Variants in USO1 observed in about 807,000 individuals in gnomAD.
The protein encoded by USO1 is USO1 vesicle transport factor.
USO1 carries 57 observed loss-of-function variants against 124.5 expected under a neutral mutation model. The ratio of observed to expected loss-of-function variants is 0.46; its 90% CI spans 0.37 to 0.57. USO1 has a LOEUF of 0.57. Among genes scored for constraint, USO1 ranks in the 20% least tolerant of loss-of-function variants. The probability of loss-of-function intolerance (pLI) is 0.00; values close to 1 mark genes in which losing one functional copy is unlikely to be tolerated. For missense variants in USO1, 900 were observed against 1,040.6 expected, an observed-to-expected ratio of 0.86 and a Z score of 1.86; for synonymous variants, 369 against 362.8, an observed-to-expected ratio of 1.02 and a Z score of -0.19.
intron 21 of USO1, among the ~76,000 whole-genome samples, chr4:75,809,709 A>T (rs1202049249): frequency 6.6e-6 from 1 of 152,152 alleles, no homozygotes. Context: ...TTTAACATTC[A>T]TATTTCTGCC....
intron 23 of USO1, among the ~76,000 whole-genome samples, chr4:75,812,736 T>C (rs1294544721): frequency 1.3e-5 from 2 of 152,192 alleles, no homozygotes; most frequent in Admixed American, 6.5e-5. Context: ...AACTGATATA[T>C]CTCATTCATA....
At position 75,770,508 on chromosome 4, in the gene USO1, A is replaced by T; in HGVS notation, c.365A>T (p.Glu122Val). Residue 122 changes from glutamate (E) to valine (V), a missense_variant, in exon 5 of 24, where the codon GAA becomes GTA. Transcript: ENST00000514213. Reference protein sequence around the residue: ...QFTEIFIKQQENVTLLLSLLE... With the variant: ...QFTEIFIKQQVNVTLLLSLLE... ...ACAGAAATTTTCATTAAGCAGCAGG[A>T]AAATGTCACTCTTCTGTTATCTTTA... is the stretch of plus-strand genomic sequence containing the variant. 6.3e-7 allele frequency: 1 copy of T among 1,594,546 alleles called. No homozygotes were observed. The highest frequency in any genetic ancestry group is 2.3e-5 in the East Asian group (1 of 44,146).
rs756932643 is a variant in USO1, at chr4:75,793,721, A to G, written c.1272A>G (p.Leu424=). 1.2e-6 allele frequency: 2 copies of G among 1,611,970 alleles called. No homozygotes were observed. The highest frequency in any genetic ancestry group is 1.1e-5 in the South Asian group (1 of 90,848). The change falls in exon 13 of 24, where the codon TTA becomes TTG. Residue 424 remains leucine (L), a synonymous_variant. Coordinates refer to ENST00000514213, the MANE Select transcript of USO1 (RefSeq NM_003715.4). ...ATGNSVSAGQ[L]LCGGLFSTDS... is the part of the protein sequence containing the mutation. ...GTAATTCAGTTTCAGCTGGCCAGTT[A>G]TTATGTGGAGGTTTGTTTTCTACTG...
At chr4:75,773,576 G>A (rs1404044665) in intron 7 of USO1, among the ~76,000 whole-genome samples, 2 of 152,106 alleles carry the variant, frequency 1.3e-5, no homozygotes, top group Non-Finnish European at 2.9e-5. Context: ...GGGGAACAGT[G>A]TTTGGGCAAC....
rs1423341301 is a variant in USO1, at chr4:75,800,807, T to G, written c.1864+8T>G. 1.2e-6 allele frequency: 2 copies of G among 1,610,164 alleles called. No individual in the cohort carries two copies. The highest frequency in any genetic ancestry group is 1.7e-6 in the Non-Finnish European group (2 of 1,178,004). ...TGGTAAAAGAACTTGAAGGTAAGAC[T>G]GAAGATTTATATTGATATTTGATGG... On this transcript the variant is annotated splice_region_variant and intron_variant, in intron 16 of 23. Coordinates refer to ENST00000514213, the MANE Select transcript of USO1 (RefSeq NM_003715.4).
At chr4:75,801,560 GAT>G (rs1463386786) in intron 17 of USO1, among the ~76,000 whole-genome samples, 1 of 151,850 alleles carries the variant, frequency 6.6e-6, no homozygotes, top group Non-Finnish European at 1.5e-5. Flanking sequence ...AATTTCTTAT[GAT>G]ATTTACCTTG....
At chr4:75,748,944 TA>T (rs36089746) in intron 1 of USO1, among the ~76,000 whole-genome samples, 3 of 151,222 alleles carry the variant, frequency 2.0e-5, no homozygotes, top group Non-Finnish European at 4.4e-5. Context: ...TTCTAAGTAG[TA>T]AAAAAAATAT....
rs1723064323 is a variant in USO1 at position 75,808,829 on chromosome 4, T to C, written c.2377-124T>C. 18 of 1,145,276 alleles carry C rather than the reference T, an allele frequency of 1.6e-5. No homozygotes were observed. In the South Asian group the frequency reaches 2.6e-4, roughly 17 times the overall value. The allele number at this position is 1,145,276 out of a possible 1,614,324, so 70.9% of individuals were successfully genotyped here. A position where few individuals can be genotyped will look rare whatever the true frequency, so the allele number is the denominator to read the frequency against. On this transcript the variant is annotated intron_variant, in intron 20 of 23. Transcript: ENST00000514213. Reference sequence around the variant, plus strand: ...CTTGAACCCAAAATTCAAGAATAGTTCTTTAGAGTTAGATTTTAAAAGTAG... The same window carrying C: ...CTTGAACCCAAAATTCAAGAATAGTCCTTTAGAGTTAGATTTTAAAAGTAG...
rs556453385 is a variant in USO1, at chr4:75,788,095, A to G, written c.996+893A>G. 2.6e-5 allele frequency among the ~76,000 whole-genome samples: 4 copies of G among 151,700 alleles called. No homozygotes were observed. The East Asian group carries it at 7.7e-4, about 29-fold the overall frequency. ...TGGGAATTTTTTTTGCCATCTTCCT[A>G]GGATTTCCTTTACTTGTCTCCTGAC... On this transcript the variant is annotated intron_variant, in intron 10 of 23. Transcript: ENST00000514213.
At chr4:75,750,725 C>T (rs1721277397) in intron 1 of USO1, among the ~76,000 whole-genome samples, 1 of 74,678 alleles carries the variant, frequency 1.3e-5, no homozygotes, top group African/African-American at 3.2e-5. Flanking sequence ...CTTTGTGATC[C>T]ACCCACCTCG....
At chr4:75,725,156 G>T (rs1298744250) in intron 1 of USO1, among the ~76,000 whole-genome samples, 1 of 152,226 alleles carries the variant, frequency 6.6e-6, no homozygotes, top group Non-Finnish European at 1.5e-5. Flanking sequence ...AGAGTGGTCC[G>T]CAGGTGGTAC....
rs746260223 is a variant in USO1 at position 75,787,115 on chromosome 4, C to G, written c.909C>G (p.Cys303Trp). ...PTNPPGATSS[C>W]QKAMFQCGLL... is the part of the protein sequence containing the mutation. ...ACCCTCCTGGTGCTACCAGTAGCTG[C>G]CAGAAGGCTATGTTCCAGTGTGGGT... Residue 303 changes from cysteine (C) to tryptophan (W), a missense_variant, in exon 10 of 24, where the codon TGC (cysteine) becomes TGG (tryptophan). Cys to Trp is a radical substitution (Grantham distance 215). This residue lies in a region of USO1 where 538 missense variants were observed against 681.6 expected (regional missense o/e 0.79). Transcript: ENST00000514213. The G allele has an allele frequency of 2.5e-6, 4 of 1,607,658 alleles. No homozygotes were observed. In the Admixed American group the frequency reaches 5.1e-5, roughly 20 times the overall value.
chr4:75,726,933 A>G (rs115299851), intron 1 of USO1, among the ~76,000 whole-genome samples: 1 of 152,326 alleles, frequency 6.6e-6, no homozygotes, highest in African/African-American at 2.4e-5. Context: ...TATGTAAGAG[A>G]TAGCTAATAC....
At position 75,800,740 on chromosome 4, in the gene USO1, C is replaced by G; in HGVS notation, c.1805C>G (p.Pro602Arg). The change falls in exon 16 of 24, where the codon CCC becomes CGC. Residue 602 changes from proline to arginine, a missense_variant. Physicochemically the swap from Pro to Arg is moderately radical, Grantham distance 103. Transcript: ENST00000514213. ...RASQKPQPNF[P>R]SPEYMIFDHE... is the part of the protein sequence containing the mutation. ...TCTCAGAAACCCCAGCCAAACTTTC[C>G]CAGTCCAGAATACATGATATTTGAT... 2 of 1,612,782 alleles carry G rather than the reference C, an allele frequency of 1.2e-6. No individual in the cohort carries two copies. The highest frequency in any genetic ancestry group is 1.7e-6 in the Non-Finnish European group (2 of 1,179,568).
In USO1 at chr4:75,813,448, C is replaced by A; in HGVS notation, c.*153C>A. 1.3e-6 allele frequency: 1 copy of A among 788,132 alleles called. No individual in the cohort carries two copies. Among genetic ancestry groups the A allele is most frequent in the Non-Finnish European group, 1.8e-6 (1 of 563,072 alleles). The allele number at this position is 788,132 out of a possible 1,614,324, so 48.8% of individuals were successfully genotyped here. On this transcript the variant is annotated 3_prime_UTR_variant, in exon 24 of 24. Coordinates refer to ENST00000514213, the MANE Select transcript of USO1 (RefSeq NM_003715.4). ...GATATATTTTTGTAATGTTGCCACCCATGTTGAAAACCTTAAAACTGAATT... is the reference window on the plus strand; with the variant it reads ...GATATATTTTTGTAATGTTGCCACCAATGTTGAAAACCTTAAAACTGAATT...
rs976511336 is a variant in USO1 at position 75,724,718 on chromosome 4, T to C, written c.-102T>C. 2 of 1,182,210 alleles carry C rather than the reference T, an allele frequency of 1.7e-6. No homozygotes were observed. Among genetic ancestry groups the C allele is most frequent in the Non-Finnish European group, 2.4e-6 (2 of 822,154 alleles). 73.2% of individuals were successfully genotyped at this position (1,182,210 alleles called of 1,614,324 possible). A position where few individuals can be genotyped will look rare whatever the true frequency, so the allele number is the denominator to read the frequency against. ...GAGGCGGTGGTGGCAGCAGTAGGAG[T>C]GTGTAGAGTGCGGGATTGGGGCCCA... On this transcript the variant is annotated 5_prime_UTR_variant, in exon 1 of 24. Transcript: ENST00000514213.
chr4:75,740,841 T>C (rs975390523), intron 1 of USO1, among the ~76,000 whole-genome samples: 2 of 152,202 alleles, frequency 1.3e-5, no homozygotes, highest in South Asian at 2.1e-4. Flanking sequence ...AAATTGCCTC[T>C]TTCTTCCTTC....
intron 1 of USO1, among the ~76,000 whole-genome samples, chr4:75,751,664 C>T (rs1343092567): frequency 6.6e-6 from 1 of 151,254 alleles, no homozygotes; most frequent in South Asian, 2.1e-4. Flanking sequence ...AACCCTGTCT[C>T]TACTAAAAAT....
chr4:75,772,293 G>T (rs1406668162), intron 7 of USO1, among the ~76,000 whole-genome samples: 1 of 152,094 alleles, frequency 6.6e-6, no homozygotes, highest in Non-Finnish European at 1.5e-5. Context: ...CTGGAGTGCA[G>T]TGGCATGATC....
Sources: allele counts gnomAD v4.1 joint callset (sites outside exome capture counted in the v4.1 genomes callset), GRCh38; gene constraint gnomAD v4.1.1; regional missense constraint gnomAD v4.1.1; transcripts MANE v1.5; gene names NCBI Gene and HGNC (gene_info 2026-07-23, HGNC 2026-07-21).